The following HDAC9 variants were observed in gnomAD, a reference collection of about 807,000 sequenced individuals.
The protein encoded by HDAC9 is histone deacetylase 9, also known as MEF-2 interacting transcription repressor (MITR) protein.
In HDAC9, 41 loss-of-function variants were observed where a neutral mutation model predicts 139.4. That is an observed-to-expected ratio of 0.29 (90% confidence interval 0.23 to 0.38). The LOEUF (loss-of-function observed/expected upper bound fraction) is 0.38, where lower values mean the gene tolerates loss of function less well. HDAC9 is among the 10% of genes least tolerant of loss of function. HDAC9 has a pLI of 1.00. For missense variants in HDAC9, 1,147 were observed against 1,297.0 expected, an observed-to-expected ratio of 0.88 and a Z score of 1.78; for synonymous variants, 517 against 476.2, an observed-to-expected ratio of 1.09 and a Z score of -1.12.
chr7:18,829,696 A>G, intron 19 of HDAC9, 148 bp downstream of exon 19: 1 of 594,050 alleles, frequency 1.7e-6, no homozygotes, highest in Non-Finnish European at 3.0e-6. Flanking sequence ...CATTAAACTC[A>G]GGATTGCAGT....
chr7:18,393,564 G>C (rs1786741895), intron 1 of HDAC9, among the ~76,000 whole-genome samples: 1 of 152,118 alleles, frequency 6.6e-6, no homozygotes, highest in Non-Finnish European at 1.5e-5. Flanking sequence ...GAGGCATGTA[G>C]AACTGTGAAC....
chr7:18,653,251 A>C (rs1409636161), intron 11 of HDAC9, among the ~76,000 whole-genome samples: 1 of 151,856 alleles, frequency 6.6e-6, no homozygotes, highest in Non-Finnish European at 1.5e-5. Context: ...AAAAAAAAAA[A>C]AAAAAACCAG....
intron 15 of HDAC9, among the ~76,000 whole-genome samples, chr7:18,764,356 A>G (rs10224196): frequency 0.065 from 9,879 of 152,156 alleles, 937 homozygotes; most frequent in African/African-American, 0.21. Context: ...CTTCTCAGTG[A>G]TCATTGCAAC....
chr7:18,630,058 T>A (rs1197460436), intron 7 of HDAC9, among the ~76,000 whole-genome samples: 1 of 152,084 alleles, frequency 6.6e-6, no homozygotes, highest in Non-Finnish European at 1.5e-5. Flanking sequence ...GAAGAGTTAT[T>A]TTTTTAGCTG....
Position 18,874,496 on chromosome 7 carries a change from G to C in HDAC9, c.2703G>C (p.Val901=). 2 of 1,587,664 alleles carry C rather than the reference G, an allele frequency of 1.3e-6. No individual in the cohort carries two copies. The highest frequency in any genetic ancestry group is 1.7e-6 in the Non-Finnish European group (2 of 1,165,616). The change falls in exon 22 of 26, where the codon GTG becomes GTC. Residue 901 remains valine (V), a synonymous_variant. Coordinates refer to ENST00000686413, the MANE Select transcript of HDAC9 (RefSeq NM_178425.4). ...TGTGCAGGACCATCGTGAAGCCTGT[G>C]GCCAAAGAGTTTGATCCAGACATGG... ...LEAFRTIVKP[V]AKEFDPDMVL... is the part of the protein sequence containing the mutation.
intron 16 of HDAC9, 41 bp from the exon 17 acceptor site, chr7:18,793,304 T>TTTC (rs1792496104): frequency 7.2e-7 from 1 of 1,379,560 alleles, no homozygotes. Context: ...TCTCTTTCGC[T>TTTC]TTCTTCTTCT....
At chr7:18,266,841 C>T (rs1250236176) in intron 2 of HDAC9, among the ~76,000 whole-genome samples, 2 of 152,038 alleles carry the variant, frequency 1.3e-5, no homozygotes, top group Admixed American at 6.6e-5. Context: ...CATTTTGATG[C>T]CCAAGAGCCC....
intron 12 of HDAC9, among the ~76,000 whole-genome samples, chr7:18,671,592 A>G (rs937679665): frequency 1.3e-5 from 2 of 151,928 alleles, no homozygotes; most frequent in African/African-American, 2.4e-5. Flanking sequence ...TTCTCACTAT[A>G]TTTACTGGAA....
At chr7:18,881,724 T>G (rs1799753735) in intron 22 of HDAC9, among the ~76,000 whole-genome samples, 1 of 152,164 alleles carries the variant, frequency 6.6e-6, no homozygotes, top group Non-Finnish European at 1.5e-5. Flanking sequence ...ATGTTATGGT[T>G]GTAATATTTC....
At chr7:18,822,068 A>T (rs966298702) in intron 17 of HDAC9, among the ~76,000 whole-genome samples, 27 of 152,120 alleles carry the variant, frequency 1.8e-4, no homozygotes, top group Admixed American at 3.3e-4. Flanking sequence ...TCTGAACCTT[A>T]TCTTTTTATT....
At chr7:18,730,506 A>G (rs529211181) in intron 13 of HDAC9, among the ~76,000 whole-genome samples, 67 of 152,350 alleles carry the variant, frequency 4.4e-4, no homozygotes, top group Non-Finnish European at 7.1e-4. Context: ...GGAATACAGT[A>G]GACCTTCTTA....
chr7:18,177,053 T>C (rs1788969719), intron 2 of HDAC9, among the ~76,000 whole-genome samples: 1 of 152,228 alleles, frequency 6.6e-6, no homozygotes, highest in South Asian at 2.1e-4. Context: ...ACATTGTATG[T>C]CATTTTCCCT....
chr7:18,147,138 T>G (rs1786401019), intron 1 of HDAC9, among the ~76,000 whole-genome samples: 1 of 152,208 alleles, frequency 6.6e-6, no homozygotes, highest in South Asian at 2.1e-4. Flanking sequence ...CCTTTTTTTT[T>G]GTCTGAAAGG....
rs1316307771 is a variant in HDAC9, at chr7:18,742,058, T to G, written c.1910-6947T>G. ...CCTGGTGAAGATGCAGTGGGCATTG[T>G]TGAAATGACGAGAAAGGATTTAGAA... On this transcript the variant is annotated intron_variant, in intron 13 of 25. Transcript: ENST00000686413. Among the ~76,000 whole-genome samples, 8 of 152,244 alleles carry G rather than the reference T, an allele frequency of 5.3e-5. No homozygotes were observed. In the South Asian group the frequency reaches 1.5e-3, roughly 28 times the overall value.
At chr7:18,179,813 T>C (rs368499193) in intron 2 of HDAC9, among the ~76,000 whole-genome samples, 8 of 152,340 alleles carry the variant, frequency 5.3e-5, no homozygotes, top group East Asian at 1.9e-4. Flanking sequence ...GTCATGAATT[T>C]GTTATGTTGG....
At chr7:18,205,691 G>A (rs1004224570) in intron 2 of HDAC9, among the ~76,000 whole-genome samples, 4 of 151,646 alleles carry the variant, frequency 2.6e-5, no homozygotes, top group Admixed American at 6.6e-5. Flanking sequence ...TCTCCCTCAG[G>A]GTTATTGTCT....
chr7:18,758,831 T>C (rs1789114956), intron 14 of HDAC9, among the ~76,000 whole-genome samples: 1 of 152,082 alleles, frequency 6.6e-6, no homozygotes, highest in Admixed American at 6.6e-5. Flanking sequence ...CACTGCTCTC[T>C]TTCTGTAGAA....
chr7:18,717,454 G>C (rs570543963), intron 12 of HDAC9, among the ~76,000 whole-genome samples: 1 of 140,830 alleles, frequency 7.1e-6, no homozygotes, highest in Non-Finnish European at 1.5e-5. Flanking sequence ...TTTTTGAGAC[G>C]GAATTTTGCT....
At chr7:18,098,417 C>G (rs903507031) in intron 1 of HDAC9, among the ~76,000 whole-genome samples, 2 of 152,126 alleles carry the variant, frequency 1.3e-5, no homozygotes, top group Non-Finnish European at 2.9e-5. Flanking sequence ...AGCAGAAATA[C>G]TTTAGAATTT....
Sources: allele counts gnomAD v4.1 joint callset (sites outside exome capture counted in the v4.1 genomes callset), GRCh38; gene constraint gnomAD v4.1.1; transcripts MANE v1.5; gene names NCBI Gene and HGNC (gene_info 2026-07-23, HGNC 2026-07-21).